Variants in SLC25A21 observed in about 807,000 individuals in gnomAD.
SLC25A21 encodes the protein solute carrier family 25 member 21, also known as mitochondrial 2-oxodicarboxylate carrier.
In SLC25A21, 47 loss-of-function variants were observed where a neutral mutation model predicts 43.8. The observed-to-expected ratio is 1.07, with a 90% CI of 0.85 to 1.37. The LOEUF (loss-of-function observed/expected upper bound fraction) is 1.37, where lower values mean the gene tolerates loss of function less well. Among genes scored for constraint, SLC25A21 ranks in the 40% most tolerant of loss-of-function variants. The pLI is 0.00. For missense variants in SLC25A21, 352 were observed against 350.2 expected (o/e 1.00, Z -0.04); for synonymous variants, 131 against 121.3 (o/e 1.08, Z -0.52).
At chr14:36,858,536 C>T (rs1414211032) in intron 2 of SLC25A21, among the ~76,000 whole-genome samples, 2 of 152,116 alleles carry the variant, frequency 1.3e-5, no homozygotes, top group Non-Finnish European at 2.9e-5. Context: ...GACCCATTTT[C>T]TTTTGTGTGA....
intron 1 of SLC25A21, among the ~76,000 whole-genome samples, chr14:36,972,971 T>C (rs991883966): frequency 6.6e-6 from 1 of 152,106 alleles, no homozygotes; most frequent in Non-Finnish European, 1.5e-5. Context: ...TAGCTGGGAC[T>C]ACAGGAACAC....
intron 1 of SLC25A21, among the ~76,000 whole-genome samples, chr14:36,950,508 A>C (rs1228923050): frequency 3.3e-5 from 5 of 152,202 alleles, no homozygotes; most frequent in Admixed American, 6.5e-5. Flanking sequence ...ACCAGCAACC[A>C]ACCTGCCGGC....
In SLC25A21 at chr14:37,071,835, T is replaced by C. The variant is rs145493947; in HGVS notation, c.70+100446A>G. On this transcript the variant is annotated intron_variant, in intron 1 of 9. Coordinates refer to ENST00000331299, the MANE Select transcript of SLC25A21 (RefSeq NM_030631.4). ...ATGTGCTGCTGAAGAAGAAAAATGC[T>C]ACTAATTAGTTGGAAGGCCACAGTA... Among the ~76,000 whole-genome samples, 1,159 of 152,284 alleles carry C rather than the reference T, an allele frequency of 7.6e-3. 8 individuals carry two copies. The highest frequency in any genetic ancestry group is 0.02 in the Middle Eastern group (6 of 294).
chr14:37,078,824 T>C (rs1266336602), intron 1 of SLC25A21, among the ~76,000 whole-genome samples: 1 of 151,926 alleles, frequency 6.6e-6, no homozygotes, highest in Admixed American at 6.6e-5. Context: ...TTTGTTGCTT[T>C]GGCTTTCCAT....
intron 3 of SLC25A21, among the ~76,000 whole-genome samples, chr14:36,738,446 T>G (rs1250947215): frequency 1.3e-5 from 2 of 152,210 alleles, no homozygotes; most frequent in Non-Finnish European, 2.9e-5. Context: ...AAGAGATTGG[T>G]GACACCCATT....
chr14:36,887,211 CAT>C (rs3985278), intron 1 of SLC25A21, among the ~76,000 whole-genome samples: 77,611 of 148,498 alleles, frequency 0.52, 22,232 homozygotes, highest in Non-Finnish European at 0.65. Context: ...TGTGTGTCTA[CAT>C]ATATATATAT....
At chr14:37,058,830 A>G (rs1318441750) in intron 1 of SLC25A21, among the ~76,000 whole-genome samples, 1 of 152,158 alleles carries the variant, frequency 6.6e-6, no homozygotes, top group Non-Finnish European at 1.5e-5. Flanking sequence ...AAGTGGCACC[A>G]TGGTTGGTCT....
At chr14:36,984,646 T>C (rs1194918050) in intron 1 of SLC25A21, among the ~76,000 whole-genome samples, 3 of 152,120 alleles carry the variant, frequency 2.0e-5, no homozygotes, top group Non-Finnish European at 4.4e-5. Context: ...TGACTCATTT[T>C]TTACCTGGTG....
At chr14:37,036,673 GTTTA>G (rs66567173) in intron 1 of SLC25A21, among the ~76,000 whole-genome samples, 36,755 of 151,998 alleles carry the variant, frequency 0.24, 4,810 homozygotes, top group Non-Finnish European at 0.29. Flanking sequence ...AATAGATATG[GTTTA>G]TTTTTCTACC....
intron 7 of SLC25A21, among the ~76,000 whole-genome samples, chr14:36,693,993 A>G (rs1217582606): frequency 6.6e-6 from 1 of 152,136 alleles, no homozygotes; most frequent in African/African-American, 2.4e-5. Flanking sequence ...TACATGTGCC[A>G]TGTTGGTTTG....
chr14:36,952,542 C>T (rs1420303743), intron 1 of SLC25A21, among the ~76,000 whole-genome samples: 1 of 151,996 alleles, frequency 6.6e-6, no homozygotes, highest in African/African-American at 2.4e-5. Flanking sequence ...TAAATGGTCA[C>T]TAAATGTAGG....
intron 1 of SLC25A21, among the ~76,000 whole-genome samples, chr14:37,011,138 C>T (rs761084775): frequency 6.6e-6 from 1 of 152,180 alleles, no homozygotes; most frequent in African/African-American, 2.4e-5. Flanking sequence ...CCGCCCACCT[C>T]AGCCTCCCAA....
At chr14:37,005,432 C>T (rs925999) in intron 1 of SLC25A21, among the ~76,000 whole-genome samples, 30,423 of 151,984 alleles carry the variant, frequency 0.2, 3,285 homozygotes, top group East Asian at 0.35. Flanking sequence ...CAGTATTTGT[C>T]CATTACACTT....
Position 36,684,743 on chromosome 14 carries a change from C to G in SLC25A21, c.785+1G>C. On this transcript the variant is annotated splice_donor_variant, in intron 8 of 9. Coordinates refer to ENST00000331299, the MANE Select transcript of SLC25A21 (RefSeq NM_030631.4). LOFTEE classifies it high-confidence loss of function. ...ATTAAAATAAGAATGTGTTATGTTA[C>G]CCTTCTTCCTGATAGACTGTTGCCA... The G allele has an allele frequency of 6.2e-7, 1 of 1,602,024 alleles. No individual in the cohort carries two copies.
chr14:36,853,495 A>C (rs897313138), intron 2 of SLC25A21, among the ~76,000 whole-genome samples: 2 of 152,188 alleles, frequency 1.3e-5, no homozygotes, highest in African/African-American at 4.8e-5. Flanking sequence ...AGGCAGACCC[A>C]GGACCAGCTT....
chr14:36,943,174 T>C (rs778482070), intron 1 of SLC25A21, among the ~76,000 whole-genome samples: 4 of 152,124 alleles, frequency 2.6e-5, no homozygotes, highest in African/African-American at 4.8e-5. Flanking sequence ...TTTTCCTACA[T>C]AGGGAGATAG....
At chr14:37,146,702 G>A (rs1320634187) in intron 1 of SLC25A21, among the ~76,000 whole-genome samples, 1 of 152,088 alleles carries the variant, frequency 6.6e-6, no homozygotes, top group African/African-American at 2.4e-5. Context: ...ACATGTCAAT[G>A]TTACTTACAG....
intron 7 of SLC25A21, among the ~76,000 whole-genome samples, chr14:36,691,472 C>T (rs1254597518): frequency 6.6e-6 from 1 of 152,196 alleles, no homozygotes; most frequent in African/African-American, 2.4e-5. Flanking sequence ...CAATTAGGAA[C>T]TGTTTCTTGT....
chr14:36,702,849 T>C (rs1883341804), intron 7 of SLC25A21, among the ~76,000 whole-genome samples: 1 of 152,158 alleles, frequency 6.6e-6, no homozygotes, highest in African/African-American at 2.4e-5. Context: ...GGGGAGTGTC[T>C]GACTGGCCTG....
Sources: allele counts gnomAD v4.1 joint callset (sites outside exome capture counted in the v4.1 genomes callset), GRCh38; gene constraint gnomAD v4.1.1; transcripts MANE v1.5; gene names NCBI Gene and HGNC (gene_info 2026-07-23, HGNC 2026-07-21).